ZNF654: variants seen among roughly 807,000 people sequenced by gnomAD.
ZNF654 encodes the protein melanoma-associated antigen.
A neutral mutation model predicts 95.3 loss-of-function variants in ZNF654; 19 were observed. The observed-to-expected ratio is 0.20, with a 90% CI of 0.14 to 0.29. The LOEUF is 0.29. ZNF654 is among the 10% of genes least tolerant of loss of function. The pLI, the probability that ZNF654 is intolerant of heterozygous loss-of-function variation, is 1.00. For missense variants in ZNF654, 1,046 were observed against 1,341.0 expected, an observed-to-expected ratio of 0.78 and a Z score of 3.44; for synonymous variants, 413 against 457.9, an observed-to-expected ratio of 0.90 and a Z score of 1.25.
intron 2 of ZNF654, among the ~76,000 whole-genome samples, chr3:88,097,333 G>T (rs1295380978): frequency 2.0e-5 from 3 of 151,622 alleles, no homozygotes; most frequent in Non-Finnish European, 2.9e-5. Flanking sequence ...AGGTAAGAGA[G>T]AACCAGTTTT....
intron 1 of ZNF654, 119 bp downstream of exon 1, chr3:88,059,624 G>A: frequency 7.2e-7 from 1 of 1,382,480 alleles, no homozygotes; most frequent in Non-Finnish European, 9.4e-7. Context: ...CCAACAAGGA[G>A]GGTGAGGCTG....
chr3:88,084,405 A>T (rs1466476924), intron 1 of ZNF654, among the ~76,000 whole-genome samples: 1 of 152,184 alleles, frequency 6.6e-6, no homozygotes, highest in African/African-American at 2.4e-5. Flanking sequence ...AAGCTGGTCA[A>T]AGACTTCAGG....
chr3:88,116,850 T>C (rs997965900), intron 3 of ZNF654, among the ~76,000 whole-genome samples: 5 of 152,136 alleles, frequency 3.3e-5, no homozygotes, highest in Non-Finnish European at 5.9e-5. Flanking sequence ...CTCTCTTTGT[T>C]TGGGCATGAA....
intron 3 of ZNF654, among the ~76,000 whole-genome samples, chr3:88,114,316 G>A (rs2107771703): frequency 6.6e-6 from 1 of 152,250 alleles, no homozygotes; most frequent in South Asian, 2.1e-4. Context: ...GATGTTGGCT[G>A]ACCACTGATA....
At position 88,138,697 on chromosome 3, in the gene ZNF654, T is replaced by C. The variant is rs914070443; in HGVS notation, c.1036-8T>C. The C allele has an allele frequency of 8.1e-7, 1 of 1,231,302 alleles. No individual in the cohort carries two copies. The highest frequency in any genetic ancestry group is 1.6e-5 in the African/African-American group (1 of 64,398). The allele number at this position is 1,231,302 out of a possible 1,614,324, so 76.3% of individuals were successfully genotyped here. A position where few individuals can be genotyped will look rare whatever the true frequency, so the allele number is the denominator to read the frequency against. On this transcript the variant is annotated splice_polypyrimidine_tract_variant and splice_region_variant and intron_variant, in intron 7 of 8. Transcript: ENST00000636215. Reference sequence around the variant, plus strand: ...AAGTATTTAGCACTAATATTTTTCTTTTTACAGGTTGAAGAAGAAGGCTTG... The same window carrying C: ...AAGTATTTAGCACTAATATTTTTCTCTTTACAGGTTGAAGAAGAAGGCTTG...
At chr3:88,059,846 C>T (rs1382553656) in intron 1 of ZNF654, among the ~76,000 whole-genome samples, 4 of 152,168 alleles carry the variant, frequency 2.6e-5, no homozygotes, top group Admixed American at 6.6e-5. Flanking sequence ...TCTTATGTTT[C>T]CTACCCTGGT....
At chr3:88,126,459 C>A (rs1215418773) in intron 4 of ZNF654, among the ~76,000 whole-genome samples, 190 bp downstream of exon 4, 4 of 151,456 alleles carry the variant, frequency 2.6e-5, no homozygotes, top group Admixed American at 2.0e-4. Flanking sequence ...TGGATCGGTA[C>A]ATTTATTTCT....
chr3:88,103,622 T>C (rs1203574574), intron 2 of ZNF654, among the ~76,000 whole-genome samples: 2 of 151,768 alleles, frequency 1.3e-5, no homozygotes, highest in Non-Finnish European at 2.9e-5. Context: ...AGAACACAAG[T>C]AGGTGAAAGT....
chr3:88,125,410 T>C (rs1156559142), intron 3 of ZNF654, among the ~76,000 whole-genome samples: 1 of 152,172 alleles, frequency 6.6e-6, no homozygotes, highest in Non-Finnish European at 1.5e-5. Flanking sequence ...AAGCAGATTC[T>C]CTGAAAAACA....
At chr3:88,094,102 TTC>T (rs1703910566) in intron 2 of ZNF654, among the ~76,000 whole-genome samples, 1 of 56,150 alleles carries the variant, frequency 1.8e-5, no homozygotes, top group South Asian at 1.2e-3. Context: ...AGAGATAATA[TTC>T]TTTTTTTTTT....
chr3:88,090,927 C>T (rs1490797023), intron 2 of ZNF654, among the ~76,000 whole-genome samples: 1 of 152,222 alleles, frequency 6.6e-6, no homozygotes, highest in African/African-American at 2.4e-5. Flanking sequence ...TGTTGGGCCT[C>T]ATTCAAAGCC....
intron 3 of ZNF654, among the ~76,000 whole-genome samples, chr3:88,116,016 A>T (rs1470077013): frequency 6.6e-6 from 1 of 152,158 alleles, no homozygotes; most frequent in South Asian, 2.1e-4. Flanking sequence ...GGAAAAGATA[A>T]TATAGAGAGA....
At chr3:88,106,722 G>A (rs1352444258) in intron 2 of ZNF654, among the ~76,000 whole-genome samples, 1 of 151,804 alleles carries the variant, frequency 6.6e-6, no homozygotes, top group Admixed American at 6.6e-5. Flanking sequence ...TTTTTAAAAT[G>A]TAATTAAAAT....
At chr3:88,069,259 T>G (rs1237443148) in intron 1 of ZNF654, among the ~76,000 whole-genome samples, 3 of 152,074 alleles carry the variant, frequency 2.0e-5, no homozygotes, top group Non-Finnish European at 2.9e-5. Context: ...CCATCTCTAC[T>G]AAAAATACAA....
intron 1 of ZNF654, 101 bp downstream of exon 1, chr3:88,059,606 G>C: frequency 7.2e-7 from 1 of 1,397,708 alleles, no homozygotes; most frequent in Non-Finnish European, 9.3e-7. Flanking sequence ...TCCAGTGCCC[G>C]CTCCTCCCCA....
chr3:88,081,874 C>G (rs1708094101), intron 1 of ZNF654, among the ~76,000 whole-genome samples: 1 of 152,150 alleles, frequency 6.6e-6, no homozygotes, highest in South Asian at 2.1e-4. Context: ...CTTCTAGGAT[C>G]TCTCAATGGA....
intron 1 of ZNF654, among the ~76,000 whole-genome samples, chr3:88,075,593 T>A (rs1220359767): frequency 6.6e-6 from 1 of 152,226 alleles, no homozygotes; most frequent in African/African-American, 2.4e-5. Context: ...TTTTAATTAT[T>A]CCAGGCCTTG....
intron 3 of ZNF654, among the ~76,000 whole-genome samples, chr3:88,113,721 C>A (rs982293979): frequency 1.3e-5 from 2 of 152,078 alleles, no homozygotes; most frequent in African/African-American, 4.8e-5. Context: ...GGGAAGCAAC[C>A]CTGACCCACT....
At chr3:88,088,698 T>C (rs1708464852) in intron 2 of ZNF654, among the ~76,000 whole-genome samples, 1 of 147,854 alleles carries the variant, frequency 6.8e-6, no homozygotes, top group Non-Finnish European at 1.5e-5. Flanking sequence ...TTAGAATATA[T>C]TATTTAGATT....
Sources: gnomAD v4.1 joint callset for allele counts (sites outside exome capture counted in the v4.1 genomes callset) on GRCh38, gnomAD v4.1.1 for gene constraint, MANE v1.5 for transcripts, NCBI Gene and HGNC (gene_info 2026-07-23, HGNC 2026-07-21) for gene names.